The following KLHL13 variants were observed in gnomAD, a reference collection of about 807,000 sequenced individuals.
KLHL13 encodes the protein kelch like family member 13.
In KLHL13, 10 loss-of-function variants were observed where a neutral mutation model predicts 37.1. The observed-to-expected ratio is 0.27, with a 90% CI of 0.17 to 0.46. KLHL13 has a LOEUF of 0.46. Among genes scored for constraint, KLHL13 ranks in the 20% least tolerant of loss-of-function variants. The probability of loss-of-function intolerance (pLI) is 1.00; values close to 1 mark genes in which losing one functional copy is unlikely to be tolerated. For synonymous variants in KLHL13, 163 were observed against 181.2 expected, an observed-to-expected ratio of 0.90 and a Z score of 0.81; for missense variants, 360 against 509.3, an observed-to-expected ratio of 0.71 and a Z score of 2.82.
At chrX:117,951,746 G>A (rs1373963380) in intron 1 of KLHL13, among the ~76,000 whole-genome samples, 1 of 112,170 alleles carries the variant, frequency 8.9e-6, no homozygotes, top group Non-Finnish European at 1.9e-5. Context: ...TTTAACATAG[G>A]AATAAGATCA....
At chrX:117,925,509 C>T (rs1931960035) in intron 2 of KLHL13, among the ~76,000 whole-genome samples, 2 of 111,823 alleles carry the variant, frequency 1.8e-5, no homozygotes, top group African/African-American at 6.5e-5. Context: ...TATGAGGCTG[C>T]TCTTCATTTT....
At chrX:118,044,433 GA>G (rs145656367) in intron 1 of KLHL13, among the ~76,000 whole-genome samples, 5 of 82,833 alleles carry the variant, frequency 6.0e-5, no homozygotes, top group South Asian at 6.9e-4. Flanking sequence ...TTACTCTGAG[GA>G]AAAAAAAAAA....
intron 1 of KLHL13, among the ~76,000 whole-genome samples, chrX:118,114,729 CT>C (rs1457106676): frequency 8.9e-6 from 1 of 111,947 alleles, no homozygotes; most frequent in Non-Finnish European, 1.9e-5. Context: ...TGCAAGTTAT[CT>C]AACTAAATTG....
chrX:118,071,554 T>C (rs993365392), intron 1 of KLHL13, among the ~76,000 whole-genome samples: 1 of 111,827 alleles, frequency 8.9e-6, no homozygotes, highest in Non-Finnish European at 1.9e-5. Flanking sequence ...CATAAATGTC[T>C]TCTTTTGAGA....
intron 1 of KLHL13, among the ~76,000 whole-genome samples, chrX:118,064,737 A>G (rs111280587): frequency 3.6e-5 from 4 of 112,021 alleles, no homozygotes; most frequent in African/African-American, 1.3e-4. Context: ...GAAACTGTAG[A>G]GTCACACAGA....
chrX:118,056,900 T>C (rs937497956), intron 1 of KLHL13, among the ~76,000 whole-genome samples: 7 of 112,370 alleles, frequency 6.2e-5, no homozygotes, highest in African/African-American at 2.3e-4. Flanking sequence ...TATATTTTAC[T>C]TTTTTATTCA....
At chrX:118,111,857 A>T (rs2055414230) in intron 1 of KLHL13, among the ~76,000 whole-genome samples, 1 of 112,068 alleles carries the variant, frequency 8.9e-6, no homozygotes, top group African/African-American at 3.2e-5. Context: ...ATGCCACTGC[A>T]CTCCAGCCTG....
At chrX:117,912,028 T>C (rs1439516064) in intron 4 of KLHL13, among the ~76,000 whole-genome samples, 1 of 111,743 alleles carries the variant, frequency 8.9e-6, no homozygotes, top group African/African-American at 3.3e-5. Context: ...AAAAAGTCCA[T>C]TTAATCCAAT....
intron 1 of KLHL13, among the ~76,000 whole-genome samples, chrX:117,994,307 G>A (rs2053829378): frequency 9.1e-6 from 1 of 110,066 alleles, no homozygotes; most frequent in East Asian, 2.9e-4. Flanking sequence ...AGGCTGGAGT[G>A]CAGTAGTGTG....
At chrX:117,966,829 A>C (rs1486551231) in intron 1 of KLHL13, among the ~76,000 whole-genome samples, 2 of 111,899 alleles carry the variant, frequency 1.8e-5, no homozygotes, top group Admixed American at 9.5e-5. Flanking sequence ...CTATTTAATA[A>C]ATGGTGCTGG....
At chrX:117,993,893 C>T (rs868296876) in intron 1 of KLHL13, among the ~76,000 whole-genome samples, 6 of 109,842 alleles carry the variant, frequency 5.5e-5, no homozygotes, top group Admixed American at 2.9e-4. Flanking sequence ...TGTGCCACCA[C>T]GCCCGGCTAA....
At chrX:117,960,132 C>T (rs186002695) in intron 1 of KLHL13, among the ~76,000 whole-genome samples, 7 of 111,186 alleles carry the variant, frequency 6.3e-5, no homozygotes, top group South Asian at 3.9e-4. Flanking sequence ...AATCCCAGCA[C>T]TTTGCGGGGC....
At chrX:118,017,933 C>T (rs1246239182) in intron 1 of KLHL13, among the ~76,000 whole-genome samples, 1 of 111,199 alleles carries the variant, frequency 9.0e-6, no homozygotes, top group African/African-American at 3.3e-5. Context: ...GCTATTAGCT[C>T]CAGGAATGCA....
intron 2 of KLHL13, among the ~76,000 whole-genome samples, chrX:117,938,684 A>G (rs1249244209): frequency 8.9e-6 from 1 of 111,750 alleles, no homozygotes; most frequent in Non-Finnish European, 1.9e-5. Flanking sequence ...TACTATGGGC[A>G]TTACATTAGG....
intron 1 of KLHL13, chrX:117,983,601 T>A (rs983825730): frequency 1.3e-6 from 1 of 785,044 alleles, no homozygotes; most frequent in Non-Finnish European, 1.8e-6. Context: ...TATATTTAGT[T>A]CAAATTTTTC....
intron 1 of KLHL13, among the ~76,000 whole-genome samples, chrX:118,014,512 A>C (rs1017213033): frequency 1.8e-5 from 2 of 111,696 alleles, no homozygotes; most frequent in African/African-American, 6.5e-5. Flanking sequence ...CAGTATTCTA[A>C]TTTTGCCTTT....
At chrX:117,920,978 A>T (rs1485956077) in intron 2 of KLHL13, among the ~76,000 whole-genome samples, 1 of 111,844 alleles carries the variant, frequency 8.9e-6, no homozygotes, top group Non-Finnish European at 1.9e-5. Flanking sequence ...AAAAAAACAA[A>T]AAAAAGCCCA....
At chrX:118,086,078 C>G (rs997395402) in intron 1 of KLHL13, among the ~76,000 whole-genome samples, 24 of 110,449 alleles carry the variant, frequency 2.2e-4, no homozygotes, top group Non-Finnish European at 4.2e-4. Flanking sequence ...GCTGGGACTA[C>G]AGGAGTGCGC....
At chrX:117,991,314 A>G (rs1250747847) in intron 1 of KLHL13, among the ~76,000 whole-genome samples, 1 of 110,460 alleles carries the variant, frequency 9.1e-6, no homozygotes, top group East Asian at 2.8e-4. Flanking sequence ...CACAGAGAAC[A>G]GACAGCCAAG....
Sources: allele counts gnomAD v4.1 joint callset (sites outside exome capture counted in the v4.1 genomes callset), GRCh38; gene constraint gnomAD v4.1.1; transcripts MANE v1.5; gene names NCBI Gene and HGNC (gene_info 2026-07-23, HGNC 2026-07-21).